The following NDEL1 variants were observed in gnomAD, a reference collection of about 807,000 sequenced individuals.
The protein encoded by NDEL1 is nudE neurodevelopment protein 1 like 1.
Under a neutral mutation model 45.7 loss-of-function variants are expected in NDEL1, and 9 were observed. The observed-to-expected ratio is 0.20, with a 90% CI of 0.12 to 0.34. The LOEUF is 0.34. Among genes scored for constraint, NDEL1 ranks in the 10% least tolerant of loss-of-function variants. NDEL1 has a pLI of 1.00. For missense variants in NDEL1, 306 were observed against 406.2 expected, an observed-to-expected ratio of 0.75 and a Z score of 2.12; for synonymous variants, 133 against 158.6, an observed-to-expected ratio of 0.84 and a Z score of 1.21.
intron 1 of NDEL1, among the ~76,000 whole-genome samples, chr17:8,423,476 GCGGTAGAGA>G (rs538637185): frequency 8.5e-5 from 13 of 152,156 alleles, no homozygotes; most frequent in South Asian, 2.1e-4. Flanking sequence ...CTGAGGCCAG[GCGGTAGAGA>G]CCAGCCTGAC....
chr17:8,447,982 C>CGGGGGGGGGTGGGGGGGGGGGGG (rs1910198910), intron 4 of NDEL1, among the ~76,000 whole-genome samples: 2 of 107,714 alleles, frequency 1.9e-5, no homozygotes, highest in Non-Finnish European at 3.9e-5. Context: ...GGGAGGTGGG[C>CGGGGGGGGGTGGGGGGGGGGGGG]GGGGGGGGGG....
intron 4 of NDEL1, 94 bp downstream of exon 4, chr17:8,446,996 G>C: frequency 6.9e-7 from 1 of 1,447,984 alleles, no homozygotes; most frequent in Non-Finnish European, 9.3e-7. Context: ...CTTAGTCCCA[G>C]AACATTTCCT....
intron 8 of NDEL1, among the ~76,000 whole-genome samples, chr17:8,461,981 G>A (rs1368092372): frequency 6.6e-6 from 1 of 151,970 alleles, no homozygotes; most frequent in South Asian, 2.1e-4. Context: ...CGCTACTCCT[G>A]CCCGCCACTT....
chr17:8,455,007 C>T, intron 7 of NDEL1, 120 bp downstream of exon 7: 5 of 965,834 alleles, frequency 5.2e-6, no homozygotes, highest in Non-Finnish European at 4.8e-6. Flanking sequence ...TCATGAAGCT[C>T]AGAAGCAAAA....
chr17:8,414,680 G>C (rs1282254330), intron 1 of NDEL1, among the ~76,000 whole-genome samples: 1 of 151,808 alleles, frequency 6.6e-6, no homozygotes, highest in Non-Finnish European at 1.5e-5. Context: ...AAAAAAAAGT[G>C]TCATACCATC....
Position 8,448,564 on chromosome 17 carries a change from C to T in NDEL1, c.404C>T (p.Ser135Leu). The change falls in exon 5 of 9, where the codon TCA (serine) becomes TTA (leucine). Residue 135 changes from serine (S) to leucine (L), a missense_variant. By Grantham distance (145) the Ser-to-Leu change is moderately radical. Transcript: ENST00000334527. ...TTTCTTTTTAGGGCAACAATAGTTT[C>T]ACTGGAAGACTTTGAACAAAGGCTA... The part of the protein sequence containing the change: ...LERAKRATIV[S>L]LEDFEQRLNQ... 2 of 1,612,794 alleles carry T rather than the reference C, an allele frequency of 1.2e-6. No individual in the cohort carries two copies.
At chr17:8,417,494 T>C (rs1354194932) in intron 1 of NDEL1, among the ~76,000 whole-genome samples, 2 of 152,248 alleles carry the variant, frequency 1.3e-5, no homozygotes, top group Non-Finnish European at 2.9e-5. Flanking sequence ...TTGTTGAATG[T>C]TCATTTTTAT....
intron 1 of NDEL1, among the ~76,000 whole-genome samples, chr17:8,427,719 A>G (rs939155644): frequency 3.9e-5 from 6 of 152,130 alleles, no homozygotes; most frequent in Non-Finnish European, 8.8e-5. Flanking sequence ...AAACAAAAAC[A>G]AAAAACAGAC....
chr17:8,420,635 C>G (rs1908686135), intron 1 of NDEL1, among the ~76,000 whole-genome samples: 2 of 152,212 alleles, frequency 1.3e-5, no homozygotes, highest in Admixed American at 6.5e-5. Flanking sequence ...CTGTTTAACA[C>G]AGATAAGTCA....
At chr17:8,451,015 G>C in intron 6 of NDEL1, 62 bp downstream of exon 6, 1 of 1,493,958 alleles carries the variant, frequency 6.7e-7, no homozygotes, top group South Asian at 1.3e-5. Context: ...GGGGTTTGTT[G>C]CTGAAGGCGG....
rs1348625158 is a variant in NDEL1 at position 8,428,966 on chromosome 17, C to T, written c.-12-15294C>T. On this transcript the variant is annotated intron_variant, in intron 1 of 4. Coordinates refer to the NDEL1 transcript ENST00000582812. Reference sequence around the variant, plus strand: ...GGGATTACAGGCATGAGCCACCGCGCCCGGCCTATTTTTAAGATTTTAAAA... The same window carrying T: ...GGGATTACAGGCATGAGCCACCGCGTCCGGCCTATTTTTAAGATTTTAAAA... Among the ~76,000 whole-genome samples, 5 of 152,202 alleles carry T rather than the reference C, an allele frequency of 3.3e-5. No individual in the cohort carries two copies. The East Asian group carries it at 5.8e-4, about 18-fold the overall frequency.
chr17:8,429,428 T>C lies in NDEL1; in HGVS notation c.-12-14832T>C, dbSNP rs184613557. Among the ~76,000 whole-genome samples the C allele has an allele frequency of 7.2e-3, 1,094 of 152,324 alleles. 44 individuals are homozygous for C. Among genetic ancestry groups the C allele is most frequent in the Admixed American group, 0.066 (1,010 of 15,288 alleles). ...CAAAAGGCCATGTTTAATAAGTCTC[T>C]TGTGAACTGTGTAGAGCTCCATGTG... On this transcript the variant is annotated intron_variant, in intron 1 of 4. Transcript: ENST00000582812.
intron 1 of NDEL1, among the ~76,000 whole-genome samples, chr17:8,418,675 C>T (rs1195918209): frequency 2.7e-5 from 4 of 150,914 alleles, no homozygotes; most frequent in Non-Finnish European, 5.9e-5. Flanking sequence ...CCCTCCCTCC[C>T]TCCTTCATCT....
Position 8,448,165 on chromosome 17 carries a change from T to G in NDEL1, c.390-385T>G, listed in dbSNP as rs184142589. 4.2e-3 allele frequency among the ~76,000 whole-genome samples: 633 copies of G among 152,322 alleles called. 7 individuals carry two copies. The highest frequency in any genetic ancestry group is 0.013 in the African/African-American group (555 of 41,572). On this transcript the variant is annotated intron_variant, in intron 4 of 8. Coordinates refer to ENST00000334527, the MANE Select transcript of NDEL1 (RefSeq NM_030808.5). ...TCTAGGAAGTCAGTGTGAATTGGCC[T>G]TAGGTTCCCTGACTTGGGACTTAAT... is the stretch of plus-strand genomic sequence containing the variant.
downstream of NDEL1, among the ~76,000 whole-genome samples, chr17:8,468,332 C>G (rs1213417212): frequency 6.6e-6 from 1 of 152,224 alleles, no homozygotes; most frequent in African/African-American, 2.4e-5. Context: ...CGTCCTCATG[C>G]TGTTTCTTGG....
At chr17:8,420,296 C>T (rs1467994969) in intron 1 of NDEL1, among the ~76,000 whole-genome samples, 2 of 152,164 alleles carry the variant, frequency 1.3e-5, no homozygotes, top group Non-Finnish European at 2.9e-5. Context: ...TTCTCTGAGC[C>T]TGCTCTGGTT....
intron 1 of NDEL1, 58 bp from the exon 2 acceptor site, chr17:8,444,202 C>A: frequency 1.8e-6 from 2 of 1,101,210 alleles, no homozygotes; most frequent in Non-Finnish European, 2.8e-6. Flanking sequence ...AGATTTTATG[C>A]TTGTGCTTAG....
intron 8 of NDEL1, chr17:8,464,493 GTTC>G (rs1259322445): frequency 6.6e-6 from 1 of 152,142 alleles, no homozygotes; most frequent in African/African-American, 2.4e-5. Context: ...TTCTCTCTCT[GTTC>G]TTTAACTTTC....
chr17:8,470,274 TCTCCATGAAA>T (rs1911804230), downstream of NDEL1, among the ~76,000 whole-genome samples: 1 of 152,026 alleles, frequency 6.6e-6, no homozygotes, highest in Non-Finnish European at 1.5e-5. This position sits in a 1 kb window ranked among gnomAD's most constrained non-coding sequence, Gnocchi z 4.2. Context: ...TTTGCATGGC[TCTCCATGAAA>T]CCTCGGGAAT....
Sources: gnomAD v4.1 joint callset for allele counts (sites outside exome capture counted in the v4.1 genomes callset) on GRCh38, gnomAD v4.1.1 for gene constraint, Gnocchi (gnomAD v3.1) non-coding constraint, MANE v1.5 for transcripts, NCBI Gene and HGNC (gene_info 2026-07-23, HGNC 2026-07-21) for gene names.